Variants in DOCK6 observed in about 807,000 individuals in gnomAD.
DOCK6 encodes dedicator of cytokinesis protein 6.
DOCK6 carries 167 observed loss-of-function variants against 230.3 expected under a neutral mutation model. The observed-to-expected ratio is 0.73, with a 90% CI of 0.64 to 0.82. The LOEUF is 0.82. DOCK6 is among the 40% of genes least tolerant of loss of function. The probability of loss-of-function intolerance (pLI) is 0.00; values close to 1 mark genes in which losing one functional copy is unlikely to be tolerated. For missense variants in DOCK6, 2,598 were observed against 2,825.8 expected (o/e 0.92, Z 1.83); for synonymous variants, 1,148 against 1,185.0 (o/e 0.97, Z 0.64).
chr19:11,229,640 G>A (rs1599243941), intron 22 of DOCK6, among the ~76,000 whole-genome samples: 1 of 152,180 alleles, frequency 6.6e-6, no homozygotes, highest in South Asian at 2.1e-4. Flanking sequence ...TGCTGTGGGA[G>A]TAGACGGGGC....
intron 28 of DOCK6, among the ~76,000 whole-genome samples, chr19:11,220,815 T>C (rs1457771744): frequency 6.6e-6 from 1 of 151,344 alleles, no homozygotes; most frequent in African/African-American, 2.4e-5. Flanking sequence ...AAATATATAA[T>C]ATCTGAATTT....
At chr19:11,210,391 T>TCTTCACCAGTCCATCC (rs2079357640) in intron 37 of DOCK6, among the ~76,000 whole-genome samples, 1 of 147,264 alleles carries the variant, frequency 6.8e-6, no homozygotes, top group South Asian at 2.2e-4. Context: ...TCTGGCCATC[T>TCTTCACCAGTCCATCC]CTTCACCAGT....
In DOCK6 at chr19:11,214,394, C is replaced by A; in HGVS notation, c.4219G>T (p.Glu1407Ter). The change falls in exon 34 of 48, where the codon GAA becomes TAA. Residue 1407 changes from glutamate (E) to a stop codon, truncating the protein, a stop_gained. Transcript: ENST00000294618. LOFTEE classifies it high-confidence loss of function. ...GCCCCCAAGACGCTCTCCCGGGCTT[C>A]TGAAAGCATCACCGTCTGGAGGGAA... The part of the protein sequence containing the change: ...EIIVQTVMLS[E>*]ARESVLGAVL... 6.2e-7 allele frequency: 1 copy of A among 1,613,794 alleles called. No individual in the cohort carries two copies. Among genetic ancestry groups the A allele is most frequent in the Non-Finnish European group, 8.5e-7 (1 of 1,179,890 alleles).
At chr19:11,213,429 C>A in intron 34 of DOCK6, 101 bp from the exon 35 acceptor site, 1 of 1,491,556 alleles carries the variant, frequency 6.7e-7, no homozygotes, top group Non-Finnish European at 9.0e-7. Context: ...GGTTTGTGTT[C>A]TGTCCTCTTT....
intron 30 of DOCK6, 176 bp from the exon 31 acceptor site, chr19:11,216,103 C>G: frequency 1.7e-6 from 1 of 602,928 alleles, no homozygotes; most frequent in African/African-American, 1.9e-5. Context: ...TTTTTTTTTT[C>G]TTGAAACAGA....
At chr19:11,253,813 G>A (rs2080159607) in intron 1 of DOCK6, 87 bp from the exon 2 acceptor site, 6 of 996,860 alleles carry the variant, frequency 6.0e-6, no homozygotes, top group Non-Finnish European at 8.7e-6. Context: ...AATCCAGATT[G>A]TGGAACGAAA....
Position 11,222,153 on chromosome 19 carries a change from G to A in DOCK6, c.3336C>T (p.Leu1112=). ...GGGCCAGTGCCAGCTCCGTCAGCAG[G>A]AGCCCAGCTAGGAAGTGCTGCTGCC... ...PFRQQHFLAG[L]LLTELALALE... is the part of the protein sequence containing the mutation. Residue 1112 remains leucine, a synonymous_variant, in exon 27 of 48, where the codon CTC becomes CTT. Transcript: ENST00000294618. This position sits in a 1 kb window ranked among gnomAD's most constrained non-coding sequence, Gnocchi z 4.0. The A allele has an allele frequency of 6.2e-7, 1 of 1,612,628 alleles. No homozygotes were observed. Among genetic ancestry groups the A allele is most frequent in the Non-Finnish European group, 8.5e-7 (1 of 1,179,406 alleles).
chr19:11,240,528 A>G lies in DOCK6; in HGVS notation c.1643+1517T>C, dbSNP rs192759639. 9.2e-5 allele frequency among the ~76,000 whole-genome samples: 14 copies of G among 152,028 alleles called. No homozygotes were observed. In the East Asian group the frequency reaches 2.7e-3, roughly 29 times the overall value. On this transcript the variant is annotated intron_variant, in intron 14 of 47. Coordinates refer to ENST00000294618, the MANE Select transcript of DOCK6 (RefSeq NM_020812.4). ...ATCTCACAGTAGGGCCAGGTACTCA[A>G]TGCAGGTAAAATATTCAGCATGGGG...
At chr19:11,262,372 G>T in intron 1 of DOCK6, 25 bp downstream of exon 1, 1 of 1,264,470 alleles carries the variant, frequency 7.9e-7, no homozygotes, top group East Asian at 3.2e-5. Context: ...GGGGGAGGTG[G>T]GAGGGGGCCC....
rs56865998 is a variant in DOCK6, at chr19:11,243,470, C to G, written c.1259-85G>C. ...GCGGCACAGTTCGGCCAGCAGAGGG[C>G]GCACCCCCTCGCCCCGTAGCCCCGC... On this transcript the variant is annotated intron_variant, in intron 11 of 47. Transcript: ENST00000294618. The surrounding 1 kb of genome is among the most constrained non-coding windows in gnomAD (Gnocchi z 6.3). 4.7e-3 allele frequency: 7,334 copies of G among 1,545,366 alleles called. 294 individuals carry two copies. In the African/African-American group the frequency reaches 0.086, roughly 18 times the overall value.
chr19:11,252,444 G>A (rs751868832), intron 4 of DOCK6, 38 bp downstream of exon 4: 2 of 1,612,160 alleles, frequency 1.2e-6, no homozygotes, highest in South Asian at 2.2e-5. Flanking sequence ...GCCCTTTTGG[G>A]TTCCGAACCC....
At chr19:11,204,543 C>CT (rs1739853384) in intron 39 of DOCK6, among the ~76,000 whole-genome samples, 1 of 151,986 alleles carries the variant, frequency 6.6e-6, no homozygotes, top group African/African-American at 2.4e-5. Context: ...TGCTACTTAT[C>CT]TTTTTTGTTT....
Position 11,243,292 on chromosome 19 carries a change from G to A in DOCK6, c.1352C>T (p.Pro451Leu). Reference protein sequence around the residue: ...DDACSFSGFRPATLTVTNFFK... With the variant: ...DDACSFSGFRLATLTVTNFFK... ...GAAGTTTGTGACAGTTAGCGTGGCT[G>A]GACGGAAGCCAGAGAAGCTGCAGGC... The change falls in exon 12 of 48, where the codon CCA becomes CTA. Residue 451 changes from proline (P) to leucine (L), a missense_variant. Coordinates refer to ENST00000294618, the MANE Select transcript of DOCK6 (RefSeq NM_020812.4). This position sits in a 1 kb window ranked among gnomAD's most constrained non-coding sequence, Gnocchi z 6.3. 2.5e-6 allele frequency: 4 copies of A among 1,606,022 alleles called. No homozygotes were observed. The highest frequency in any genetic ancestry group is 1.1e-5 in the South Asian group (1 of 89,684).
Position 11,243,374 on chromosome 19 carries a change from C to A in DOCK6, c.1270G>T (p.Ala424Ser), listed in dbSNP as rs1379724571. The change falls in exon 12 of 48, where the codon GCC becomes TCC. Residue 424 changes from alanine to serine, a missense_variant. Coordinates refer to ENST00000294618, the MANE Select transcript of DOCK6 (RefSeq NM_020812.4). This position sits in a 1 kb window ranked among gnomAD's most constrained non-coding sequence, Gnocchi z 6.3. ...DSDSEGERRP[A>S]WTDRRRRGPQ... is the part of the protein sequence containing the mutation. ...CCCCGACGGCGGCGGTCTGTCCAGG[C>A]TGGCCGGCGCTCTAGGGGAGGGAAT... 3 of 1,601,758 alleles carry A rather than the reference C, an allele frequency of 1.9e-6. No homozygotes were observed. Among genetic ancestry groups the A allele is most frequent in the South Asian group, 2.2e-5 (2 of 89,068 alleles).
intron 31 of DOCK6, 161 bp downstream of exon 31, chr19:11,215,639 TG>T: frequency 7.4e-7 from 1 of 1,345,030 alleles, no homozygotes; most frequent in Non-Finnish European, 1.0e-6. Flanking sequence ...GAGTGACAGA[TG>T]GGGACGCACA....
rs201641250 is a variant in DOCK6, at chr19:11,253,747, C to T, written c.45-21G>A. 1.9e-3 allele frequency: 2,778 copies of T among 1,447,504 alleles called. 3 individuals carry two copies. Among genetic ancestry groups the T allele is most frequent in the Non-Finnish European group, 2.4e-3 (2,578 of 1,096,200 alleles). The allele number at this position is 1,447,504 out of a possible 1,614,324, so 89.7% of individuals were successfully genotyped here. ...CCGTCCTGGAAAGATAGGGAGGGGG[C>T]CATTGGGGACGGGAAAACTCAGGCA... On this transcript the variant is annotated intron_variant, in intron 1 of 47. Coordinates refer to ENST00000294618, the MANE Select transcript of DOCK6 (RefSeq NM_020812.4).
At chr19:11,199,676 C>T in intron 47 of DOCK6, 137 bp from the exon 48 acceptor site, 2 of 932,490 alleles carry the variant, frequency 2.1e-6, no homozygotes, top group Non-Finnish European at 3.4e-6. Flanking sequence ...CCTGATCTGG[C>T]TGTGGGATTC....
At chr19:11,209,366 G>T (rs182480154) in intron 37 of DOCK6, among the ~76,000 whole-genome samples, 5 of 151,364 alleles carry the variant, frequency 3.3e-5, no homozygotes, top group Admixed American at 3.3e-4. Flanking sequence ...CCTACCTTAC[G>T]TATTCCTGTA....
intron 9 of DOCK6, 106 bp downstream of exon 9, chr19:11,245,457 G>A (rs931357865): frequency 1.6e-6 from 2 of 1,233,704 alleles, no homozygotes; most frequent in Non-Finnish European, 1.2e-6. Context: ...CCCCACAACA[G>A]CCCTGATTAC....
Sources: gnomAD v4.1 joint callset for allele counts (sites outside exome capture counted in the v4.1 genomes callset) on GRCh38, gnomAD v4.1.1 for gene constraint, Gnocchi (gnomAD v3.1) non-coding constraint, MANE v1.5 for transcripts, NCBI Gene and HGNC (gene_info 2026-07-23, HGNC 2026-07-21) for gene names.